The following ARL15 variants were observed in gnomAD, a reference collection of about 807,000 sequenced individuals.
ARL15 encodes the protein ARF like GTPase 15.
A neutral mutation model predicts 25.2 loss-of-function variants in ARL15; 19 were observed. The ratio of observed to expected loss-of-function variants is 0.75; its 90% CI spans 0.53 to 1.10. The LOEUF (loss-of-function observed/expected upper bound fraction) is 1.10, where lower values mean the gene tolerates loss of function less well. Ranked by LOEUF, ARL15 falls within the 50% of genes least tolerant of loss-of-function variation. The pLI is 0.00. For missense variants in ARL15, 220 were observed against 246.0 expected, an observed-to-expected ratio of 0.89 and a Z score of 0.71; for synonymous variants, 94 against 86.8, an observed-to-expected ratio of 1.08 and a Z score of -0.46.
chr5:53,913,467 G>C (rs1264399936), intron 4 of ARL15, among the ~76,000 whole-genome samples: 2 of 152,268 alleles, frequency 1.3e-5, no homozygotes, highest in African/African-American at 4.8e-5. Context: ...TTTCTTGTGA[G>C]TGGTAGTTTA....
chr5:53,886,318 G>A lies in ARL15; in HGVS notation c.*243C>T. 2 of 414,182 alleles carry A rather than the reference G, an allele frequency of 4.8e-6. No homozygotes were observed. The highest frequency in any genetic ancestry group is 3.7e-5 in the South Asian group (1 of 27,300). 25.7% of individuals were successfully genotyped at this position (414,182 alleles called of 1,614,324 possible). A position where few individuals can be genotyped will look rare whatever the true frequency, so the allele number is the denominator to read the frequency against. On this transcript the variant is annotated 3_prime_UTR_variant, in exon 5 of 5. Coordinates refer to ENST00000504924, the MANE Select transcript of ARL15 (RefSeq NM_019087.3). ...AACAACAGAAGGAAGAGACATGCGG[G>A]GAAGATAATTAGTGGTAAACAGAGA...
intron 4 of ARL15, among the ~76,000 whole-genome samples, chr5:54,052,935 T>G (rs150022654): frequency 1.1e-3 from 173 of 152,132 alleles, no homozygotes; most frequent in East Asian, 0.01. Flanking sequence ...TGGAGCCTCT[T>G]ACAGTGCCAG....
In ARL15 at chr5:54,134,568, C is replaced by CTTTTTTTTTT. The variant is rs5867914; in HGVS notation, c.253+20002_253+20011dup. ...GTGAGCTCCCTGAAGGAATGATTAG[C>CTTTTTTTTTT]TTTTTTTTTTTTTTTTTTTTTTTTT... is the stretch of plus-strand genomic sequence containing the variant. On this transcript the variant is annotated intron_variant, in intron 3 of 4. Transcript: ENST00000504924. 5.8e-5 allele frequency among the ~76,000 whole-genome samples: 3 copies of CTTTTTTTTTT among 51,796 alleles called. 1 individual carries two copies. Among genetic ancestry groups the CTTTTTTTTTT allele is most frequent in the African/African-American group, 1.6e-4 (2 of 12,294 alleles). The allele number at this position is 51,796 out of a possible 152,430, so 34.0% of individuals were successfully genotyped here.
chr5:54,115,354 A>G (rs901123277), intron 3 of ARL15, among the ~76,000 whole-genome samples: 4 of 152,112 alleles, frequency 2.6e-5, no homozygotes, highest in South Asian at 2.1e-4. Flanking sequence ...GGTTCTCGCT[A>G]TGTTGCCTAG....
At chr5:54,028,434 T>A (rs1287624597) in intron 4 of ARL15, among the ~76,000 whole-genome samples, 1 of 151,832 alleles carries the variant, frequency 6.6e-6, no homozygotes, top group African/African-American at 2.4e-5. Context: ...TTTTCTCTTT[T>A]CCCATTCAAA....
Position 53,886,471 on chromosome 5 carries a change from AAT to A in ARL15, c.*88_*89del, listed in dbSNP as rs1473567986. 7.2e-7 allele frequency: 1 copy of A among 1,389,130 alleles called. No individual in the cohort carries two copies. Among genetic ancestry groups the A allele is most frequent in the East Asian group, 2.5e-5 (1 of 39,962 alleles). 86.1% of individuals were successfully genotyped at this position (1,389,130 alleles called of 1,614,324 possible). On this transcript the variant is annotated 3_prime_UTR_variant, in exon 5 of 5. Transcript: ENST00000504924. ...CCAGAGGAAAATAGATACTGAAGCCAATATAGTCTTGATACCAAAATAAAATT... is the reference window on the plus strand; with the variant it reads ...CCAGAGGAAAATAGATACTGAAGCCAATAGTCTTGATACCAAAATAAAATT...
At chr5:54,170,341 T>C (rs1013591345) in intron 2 of ARL15, among the ~76,000 whole-genome samples, 1 of 152,170 alleles carries the variant, frequency 6.6e-6, no homozygotes, top group Admixed American at 6.6e-5. Context: ...TACTCACAAT[T>C]TAGCCTCCAC....
chr5:54,175,649 T>C (rs1175646863), intron 1 of ARL15, among the ~76,000 whole-genome samples: 1 of 148,088 alleles, frequency 6.8e-6, no homozygotes, highest in Non-Finnish European at 1.5e-5. Context: ...CTTCTCTTTC[T>C]TTTTCTCTCT....
intron 1 of ARL15, among the ~76,000 whole-genome samples, chr5:54,213,606 G>T (rs188023671): frequency 1.7e-4 from 26 of 152,298 alleles, no homozygotes; most frequent in African/African-American, 6.0e-4. Context: ...AAGAAGAGAG[G>T]CAGGAAGGGA....
chr5:54,207,578 AT>A (rs1313153524), intron 1 of ARL15, among the ~76,000 whole-genome samples: 2 of 152,216 alleles, frequency 1.3e-5, no homozygotes, highest in African/African-American at 4.8e-5. Context: ...TTTAAAAGAC[AT>A]TTTTTTAAAA....
chr5:54,066,493 T>C (rs1195298342), intron 4 of ARL15, among the ~76,000 whole-genome samples: 7 of 152,120 alleles, frequency 4.6e-5, no homozygotes, highest in African/African-American at 1.4e-4. Flanking sequence ...TGTAAAAGGA[T>C]CTATATATCA....
chr5:54,075,361 T>C (rs950498042), intron 4 of ARL15, among the ~76,000 whole-genome samples: 2 of 152,194 alleles, frequency 1.3e-5, no homozygotes, highest in Admixed American at 6.5e-5. Context: ...AAAGTTTTAG[T>C]GAATACTACT....
rs1214532794 is a variant in ARL15, at chr5:54,286,631, A to T, written c.48+23801T>A. ...GTTAGCCCATCTTCTATAAAACATC[A>T]CTAAAAATCACACGTAATATCCAGG... On this transcript the variant is annotated intron_variant, in intron 1 of 4. Transcript: ENST00000504924. 2.0e-5 allele frequency among the ~76,000 whole-genome samples: 3 copies of T among 152,196 alleles called. No homozygotes were observed. In the East Asian group the frequency reaches 5.8e-4, roughly 29 times the overall value.
intron 4 of ARL15, among the ~76,000 whole-genome samples, chr5:53,926,966 G>C (rs542450208): frequency 6.7e-6 from 1 of 148,594 alleles, no homozygotes; most frequent in South Asian, 2.1e-4. Flanking sequence ...AAAAAATAAA[G>C]TCCAAAAGCC....
chr5:54,209,379 A>G (rs944659435), intron 1 of ARL15, among the ~76,000 whole-genome samples: 2 of 152,054 alleles, frequency 1.3e-5, no homozygotes, highest in Non-Finnish European at 1.5e-5. Flanking sequence ...GTTGAAATGG[A>G]GAAAGCTAGA....
At chr5:54,137,161 A>C (rs1472858353) in intron 3 of ARL15, among the ~76,000 whole-genome samples, 5 of 151,930 alleles carry the variant, frequency 3.3e-5, no homozygotes, top group Admixed American at 3.3e-4. Flanking sequence ...GCCAGGAACC[A>C]GCAAAGTGAT....
intron 1 of ARL15, among the ~76,000 whole-genome samples, chr5:54,261,549 T>C (rs1480847392): frequency 6.7e-6 from 1 of 149,278 alleles, no homozygotes; most frequent in Non-Finnish European, 1.5e-5. Context: ...TGGGACTAAA[T>C]ATGCAAAAAA....
intron 4 of ARL15, among the ~76,000 whole-genome samples, chr5:53,961,013 G>A (rs1747345789): frequency 6.6e-6 from 1 of 152,074 alleles, no homozygotes; most frequent in South Asian, 2.1e-4. Context: ...TAGGGCTCTA[G>A]GCATCTGCCC....
At chr5:53,971,830 G>A (rs1022202565) in intron 4 of ARL15, among the ~76,000 whole-genome samples, 1 of 152,158 alleles carries the variant, frequency 6.6e-6, no homozygotes, top group Non-Finnish European at 1.5e-5. Flanking sequence ...AACAGCCCTT[G>A]CATATGCTTT....
Sources: allele counts gnomAD v4.1 joint callset (sites outside exome capture counted in the v4.1 genomes callset), GRCh38; gene constraint gnomAD v4.1.1; transcripts MANE v1.5; gene names NCBI Gene and HGNC (gene_info 2026-07-23, HGNC 2026-07-21).